PRKN: variants seen among roughly 807,000 people sequenced by gnomAD.
PRKN encodes the protein parkin RBR E3 ubiquitin protein ligase.
Under a neutral mutation model 59.5 loss-of-function variants are expected in PRKN, and 56 were observed. The ratio of observed to expected loss-of-function variants is 0.94; its 90% CI spans 0.76 to 1.18. The LOEUF (loss-of-function observed/expected upper bound fraction) is 1.18, where lower values mean the gene tolerates loss of function less well. Among genes scored for constraint, PRKN ranks in the 50% most tolerant of loss-of-function variants. The pLI is 0.00. For synonymous variants in PRKN, 250 were observed against 222.1 expected (o/e 1.13, Z -1.12); for missense variants, 657 against 596.4 (o/e 1.10, Z -1.06).
At chr6:162,146,486 T>C (rs1006551076) in intron 4 of PRKN, among the ~76,000 whole-genome samples, 2 of 150,890 alleles carry the variant, frequency 1.3e-5, no homozygotes, top group African/African-American at 2.4e-5. Flanking sequence ...TATACGTATG[T>C]ATATATACAC....
chr6:161,351,568 T>C (rs1423798575), intron 11 of PRKN, among the ~76,000 whole-genome samples: 1 of 152,042 alleles, frequency 6.6e-6, no homozygotes, highest in African/African-American at 2.4e-5. Flanking sequence ...CAAGTCATCC[T>C]CCCGCCTCGG....
chr6:161,777,816 G>GTGTATATA (rs1790011098), intron 7 of PRKN, among the ~76,000 whole-genome samples: 1 of 133,256 alleles, frequency 7.5e-6, no homozygotes, highest in South Asian at 2.3e-4. Flanking sequence ...ATGTATATAT[G>GTGTATATA]TGTATATATG....
intron 7 of PRKN, among the ~76,000 whole-genome samples, chr6:161,781,702 T>C (rs894006844): frequency 6.6e-6 from 1 of 152,194 alleles, no homozygotes; most frequent in Non-Finnish European, 1.5e-5. Flanking sequence ...AACAGTGTGC[T>C]ATACAGAAAA....
intron 7 of PRKN, among the ~76,000 whole-genome samples, chr6:161,734,775 A>G (rs894188470): frequency 1.3e-5 from 2 of 152,176 alleles, no homozygotes; most frequent in South Asian, 4.1e-4. Context: ...CTGAGTGAAT[A>G]AGGTATGTAC....
In PRKN at chr6:162,235,983, A is replaced by AAGAAAGAAAG. The variant is rs1562602541; in HGVS notation, c.412+26532_412+26541dup. Among the ~76,000 whole-genome samples the AAGAAAGAAAG allele has an allele frequency of 1.7e-4, 18 of 108,060 alleles. 1 individual carries two copies. Among genetic ancestry groups the AAGAAAGAAAG allele is most frequent in the African/African-American group, 7.6e-4 (18 of 23,636 alleles). The allele number at this position is 108,060 out of a possible 152,430, so 70.9% of individuals were successfully genotyped here. The stretch of plus-strand genomic sequence containing the variant: ...GAAGAAAGAAAGAAAGAAAGAAAGA[A>AAGAAAGAAAG]AGAAAGAAAGAAAGAAAGAAAGAAA... On this transcript the variant is annotated intron_variant, in intron 3 of 11. Transcript: ENST00000366898.
chr6:161,805,478 A>ACACACCCATG (rs61442187), intron 6 of PRKN, among the ~76,000 whole-genome samples: 1 of 149,364 alleles, frequency 6.7e-6, no homozygotes, highest in Non-Finnish European at 1.5e-5. Context: ...ACACACACAC[A>ACACACCCATG]CATGCATGTA....
At chr6:161,655,113 GGCCTGGCCCCTC>G (rs1562586727) in intron 7 of PRKN, among the ~76,000 whole-genome samples, 4,669 of 150,064 alleles carry the variant, frequency 0.031, 336 homozygotes, top group African/African-American at 0.11. Context: ...CATTAGCATG[GGCCTGGCCCCTC>G]ATCACCAGCA....
chr6:162,126,623 A>C (rs1353025992), intron 4 of PRKN, among the ~76,000 whole-genome samples: 3 of 152,190 alleles, frequency 2.0e-5, no homozygotes, highest in African/African-American at 7.2e-5. Flanking sequence ...CTAGGCTCCA[A>C]ACCACATTTA....
chr6:161,832,685 C>T lies in PRKN; in HGVS notation c.735-46777G>A, dbSNP rs563489992. Among the ~76,000 whole-genome samples the T allele has an allele frequency of 7.3e-5, 11 of 151,658 alleles. No individual in the cohort carries two copies. The South Asian group carries it at 2.3e-3, about 32-fold the overall frequency. On this transcript the variant is annotated intron_variant, in intron 6 of 11. Transcript: ENST00000366898. ...ATACCCGCGGAACTGTAATACAGGC[C>T]GATCCCTAAGGCCTCCATGGTGTCT...
At chr6:162,534,877 G>A (rs73591865) in intron 1 of PRKN, among the ~76,000 whole-genome samples, 3,706 of 152,188 alleles carry the variant, frequency 0.024, 166 homozygotes, top group African/African-American at 0.083. Flanking sequence ...ACCAGGCAGG[G>A]CCCAATTTCT....
intron 4 of PRKN, among the ~76,000 whole-genome samples, chr6:162,093,617 C>T (rs967925023): frequency 1.3e-5 from 2 of 152,194 alleles, no homozygotes; most frequent in Non-Finnish European, 2.9e-5. Context: ...GTAAAAGGAC[C>T]TTCTTGTCAG....
Position 161,545,321 on chromosome 6 carries a change from T to C in PRKN, c.1083+3533A>G. 1 of 1,584,850 alleles carries C rather than the reference T, an allele frequency of 6.3e-7. No individual in the cohort carries two copies. Among genetic ancestry groups the C allele is most frequent in the Non-Finnish European group, 8.6e-7 (1 of 1,164,838 alleles). The stretch of plus-strand genomic sequence containing the variant: ...AATGACGTCTAGGGCTTTTTCCACA[T>C]CTGGAACTCTGTAATTCTTCTATAG... On this transcript the variant is annotated intron_variant, in intron 9 of 11. Coordinates refer to ENST00000366898, the MANE Select transcript of PRKN (RefSeq NM_004562.3). The surrounding 1 kb of genome is among the most constrained non-coding windows in gnomAD (Gnocchi z 4.1).
At chr6:161,967,545 T>C (rs1780628887) in intron 6 of PRKN, among the ~76,000 whole-genome samples, 1 of 152,198 alleles carries the variant, frequency 6.6e-6, no homozygotes, top group Non-Finnish European at 1.5e-5. Flanking sequence ...CTTGAATTAT[T>C]ATTAAAAAGG....
intron 7 of PRKN, among the ~76,000 whole-genome samples, chr6:161,604,414 A>G (rs1480612154): frequency 6.6e-6 from 1 of 152,196 alleles, no homozygotes; most frequent in African/African-American, 2.4e-5. Flanking sequence ...AGCCTCCACC[A>G]TGGTGATATG....
At chr6:161,815,253 T>C (rs1429216589) in intron 6 of PRKN, among the ~76,000 whole-genome samples, 1 of 152,210 alleles carries the variant, frequency 6.6e-6, no homozygotes, top group Non-Finnish European at 1.5e-5. Flanking sequence ...AATAATGCTA[T>C]ACACTTTTCA....
At position 161,716,432 on chromosome 6, in the gene PRKN, G is replaced by A. The variant is rs1412502409; in HGVS notation, c.871+69340C>T. 2.0e-5 allele frequency among the ~76,000 whole-genome samples: 3 copies of A among 152,160 alleles called. No individual in the cohort carries two copies. The East Asian group carries it at 5.8e-4, about 29-fold the overall frequency. Reference sequence around the variant, plus strand: ...ATGCGTGGGTGGCAATTTGCTGCTGGTAGCTTCAAAACCATGGCTGCACTA... The same window carrying A: ...ATGCGTGGGTGGCAATTTGCTGCTGATAGCTTCAAAACCATGGCTGCACTA... On this transcript the variant is annotated intron_variant, in intron 7 of 11. Transcript: ENST00000366898.
In PRKN at chr6:161,551,208, C is replaced by A. The variant is rs1014692044; in HGVS notation, c.934-2205G>T. ...CTGAGAGATTGCCTGTGAGTGATTA[C>A]TGCATAGATTTCTTAGAGGCTTCAT... is the stretch of plus-strand genomic sequence containing the variant. On this transcript the variant is annotated intron_variant, in intron 8 of 11. Coordinates refer to ENST00000366898, the MANE Select transcript of PRKN (RefSeq NM_004562.3). The surrounding 1 kb of genome is among the most constrained non-coding windows in gnomAD (Gnocchi z 5.2). Among the ~76,000 whole-genome samples, 3 of 152,152 alleles carry A rather than the reference C, an allele frequency of 2.0e-5. No individual in the cohort carries two copies. Among genetic ancestry groups the A allele is most frequent in the Non-Finnish European group, 2.9e-5 (2 of 68,032 alleles).
intron 3 of PRKN, among the ~76,000 whole-genome samples, chr6:162,206,555 G>A (rs1432603498): frequency 1.3e-5 from 2 of 152,092 alleles, no homozygotes; most frequent in Non-Finnish European, 2.9e-5. Context: ...TGCTGCTGCT[G>A]GTGTCATTAG....
At chr6:162,266,782 C>T (rs6930862) in intron 2 of PRKN, among the ~76,000 whole-genome samples, 18,325 of 152,166 alleles carry the variant, frequency 0.12, 1,216 homozygotes, top group South Asian at 0.26. Context: ...AATGATACAT[C>T]GTTGGTAGTA....
Sources: gnomAD v4.1 joint callset for allele counts (sites outside exome capture counted in the v4.1 genomes callset) on GRCh38, gnomAD v4.1.1 for gene constraint, Gnocchi (gnomAD v3.1) non-coding constraint, MANE v1.5 for transcripts, NCBI Gene and HGNC (gene_info 2026-07-23, HGNC 2026-07-21) for gene names.